The following METTL25B variants were observed in gnomAD, a reference collection of about 807,000 sequenced individuals.
METTL25B encodes the protein methyltransferase like 25B.
METTL25B carries 38 observed loss-of-function variants against 48.4 expected under a neutral mutation model. The ratio of observed to expected loss-of-function variants is 0.78; its 90% CI spans 0.61 to 1.03. METTL25B has a LOEUF of 1.03. Ranked by LOEUF, METTL25B falls within the 50% of genes least tolerant of loss-of-function variation. METTL25B has a pLI of 0.00. For missense variants in METTL25B, 537 were observed against 603.7 expected (o/e 0.89, Z 1.16); for synonymous variants, 230 against 254.5 (o/e 0.90, Z 0.92).
At position 156,728,814 on chromosome 1, in the gene METTL25B, A is replaced by T. The variant is rs956281152; in HGVS notation, c.-291A>T. The T allele has an allele frequency of 1.1e-6, 1 of 932,656 alleles. No individual in the cohort carries two copies. The allele number at this position is 932,656 out of a possible 1,614,324, so 57.8% of individuals were successfully genotyped here. Reference sequence around the variant, plus strand: ...ACTTGGCCCGCCTCGTTGTGAGCTGAGCTCAGCGGCACGCTTTTGTGGCGT... The same window carrying T: ...ACTTGGCCCGCCTCGTTGTGAGCTGTGCTCAGCGGCACGCTTTTGTGGCGT... On this transcript the variant is annotated 5_prime_UTR_variant, in exon 1 of 8. Transcript: ENST00000368216.
rs199878809 is a variant in METTL25B, at chr1:156,733,019, C to T, written c.464C>T (p.Thr155Ile). 30 of 1,614,026 alleles carry T rather than the reference C, an allele frequency of 1.9e-5. No individual in the cohort carries two copies. The highest frequency in any genetic ancestry group is 2.5e-5 in the Non-Finnish European group (29 of 1,180,030). ...AAGCTGAGTGATTTCACAGGCTGCACCCAGGTTGTAGACGTGGGCTCAGGC... is the reference window on the plus strand; with the variant it reads ...AAGCTGAGTGATTTCACAGGCTGCATCCAGGTTGTAGACGTGGGCTCAGGC... ...VKKLSDFTGC[T>I]QVVDVGSGQG... The change falls in exon 4 of 8, where the codon ACC becomes ATC. Residue 155 changes from threonine (T) to isoleucine (I), a missense_variant. Coordinates refer to ENST00000368216, the MANE Select transcript of METTL25B (RefSeq NM_015997.4).
At chr1:156,731,246 A>C (rs537441919) in intron 1 of METTL25B, among the ~76,000 whole-genome samples, 25 of 152,188 alleles carry the variant, frequency 1.6e-4, no homozygotes, top group African/African-American at 5.3e-4. Context: ...GCCTCAGCCT[A>C]CTGGGTAGCT....
At position 156,734,335 on chromosome 1, in the gene METTL25B, C is replaced by A. The variant is rs1649546272; in HGVS notation, c.963C>A (p.Ala321=). 1 of 1,614,036 alleles carries A rather than the reference C, an allele frequency of 6.2e-7. No individual in the cohort carries two copies. Among genetic ancestry groups the A allele is most frequent in the Non-Finnish European group, 8.5e-7 (1 of 1,179,978 alleles). ...PYRLREGACH[A]LEEYAERLQK... ...GGCTTCGGGAGGGGGCCTGCCATGC[C>A]CTGGAGGAATATGCTGAGCGGCTAC... Residue 321 remains alanine, a synonymous_variant, in exon 6 of 8, where the codon GCC becomes GCA. Transcript: ENST00000368216.
At position 156,734,188 on chromosome 1, in the gene METTL25B, C is replaced by A; in HGVS notation, c.816C>A (p.Ser272=). ...GTGTTGCCTTGCTGAGACACTTCTC[C>A]TGCTGTCCTGAGGTGGTGGCCCTGG... ...DLSVALLRHF[S]CCPEVVALAS... is the part of the protein sequence containing the mutation. Residue 272 remains serine (S), a synonymous_variant, in exon 6 of 8, where the codon TCC becomes TCA. Coordinates refer to ENST00000368216, the MANE Select transcript of METTL25B (RefSeq NM_015997.4). 6.2e-7 allele frequency: 1 copy of A among 1,614,266 alleles called. No individual in the cohort carries two copies. Among genetic ancestry groups the A allele is most frequent in the South Asian group, 1.1e-5 (1 of 91,090 alleles).
chr1:156,734,531 G>T (rs1171801556), intron 6 of METTL25B, 38 bp downstream of exon 6: 1 of 1,478,984 alleles, frequency 6.8e-7, no homozygotes. Context: ...GTGGAGAGGA[G>T]ATTTCTTTTT....
intron 7 of METTL25B, 153 bp downstream of exon 7, chr1:156,736,062 A>C: frequency 1.6e-6 from 1 of 616,416 alleles, no homozygotes; most frequent in Non-Finnish European, 2.6e-6. Flanking sequence ...GGAGTAGGGG[A>C]TTTGTTAAAA....
chr1:156,729,168 A>C lies in METTL25B; in HGVS notation c.64A>C (p.Thr22Pro). Residue 22 changes from threonine to proline, a missense_variant, in exon 1 of 8, where the codon ACC becomes CCC. Thr to Pro is a conservative substitution (Grantham distance 38, BLOSUM62 -1). Coordinates refer to ENST00000368216, the MANE Select transcript of METTL25B (RefSeq NM_015997.4). Reference protein sequence around the residue: ...EGRKQLAVNLTRVLALYRSIL... With the variant: ...EGRKQLAVNLPRVLALYRSIL... Reference sequence around the variant, plus strand: ...GAGGAAGCAGCTAGCTGTTAACCTCACCCGTGTCCTGGCACTCTACCGTTC... The same window carrying C: ...GAGGAAGCAGCTAGCTGTTAACCTCCCCCGTGTCCTGGCACTCTACCGTTC... 2 of 1,607,352 alleles carry C rather than the reference A, an allele frequency of 1.2e-6. No homozygotes were observed. The highest frequency in any genetic ancestry group is 2.2e-5 in the East Asian group (1 of 44,488).
Position 156,728,595 on chromosome 1 carries a change from G to C in METTL25B, c.-510G>C. ...CAGTGATTCCGAGTGTGTGAGGAGC[G>C]GCAGTGGCGGCGGAGGAGGGGGCGG... is the stretch of plus-strand genomic sequence containing the variant. On this transcript the variant is annotated 5_prime_UTR_variant, in exon 1 of 8. Transcript: ENST00000368216. 1.0e-6 allele frequency: 1 copy of C among 985,968 alleles called. No individual in the cohort carries two copies. 61.1% of individuals were successfully genotyped at this position (985,968 alleles called of 1,614,324 possible).
chr1:156,732,826 C>A (rs959909644), intron 3 of METTL25B, among the ~76,000 whole-genome samples, 159 bp from the exon 4 acceptor site: 7 of 151,994 alleles, frequency 4.6e-5, no homozygotes, highest in African/African-American at 1.7e-4. Flanking sequence ...TTGCTTCCAC[C>A]CTCACCCTTA....
chr1:156,735,147 G>C (rs1649640088), intron 6 of METTL25B, among the ~76,000 whole-genome samples: 2 of 151,906 alleles, frequency 1.3e-5, no homozygotes, highest in South Asian at 4.2e-4. Context: ...AAATTAGCCA[G>C]GCGTGGAGGC....
At chr1:156,735,997 G>T in intron 7 of METTL25B, 88 bp downstream of exon 7, 3 of 1,169,902 alleles carry the variant, frequency 2.6e-6, no homozygotes, top group Non-Finnish European at 3.7e-6. Context: ...AACATCTTCT[G>T]GGCCTAGCTA....
At chr1:156,735,375 T>A (rs2102669828) in intron 6 of METTL25B, among the ~76,000 whole-genome samples, 1 of 146,336 alleles carries the variant, frequency 6.8e-6, no homozygotes, top group East Asian at 2.1e-4. Flanking sequence ...CAATTTACTA[T>A]TAGACAGACA....
Position 156,728,614 on chromosome 1 carries a change from G to A in METTL25B, c.-491G>A, listed in dbSNP as rs1291985869. ...AGGAGCGGCAGTGGCGGCGGAGGAG[G>A]GGGCGGCGTGGGTGGGGGCGGGGGC... On this transcript the variant is annotated 5_prime_UTR_variant, in exon 1 of 8. Coordinates refer to ENST00000368216, the MANE Select transcript of METTL25B (RefSeq NM_015997.4). 2 of 985,380 alleles carry A rather than the reference G, an allele frequency of 2.0e-6. No homozygotes were observed. The highest frequency in any genetic ancestry group is 2.4e-6 in the Non-Finnish European group (2 of 829,456). 61.0% of individuals were successfully genotyped at this position (985,380 alleles called of 1,614,324 possible).
At chr1:156,731,079 A>G (rs894864724) in intron 1 of METTL25B, among the ~76,000 whole-genome samples, 2 of 152,124 alleles carry the variant, frequency 1.3e-5, no homozygotes, top group Admixed American at 6.5e-5. Context: ...TTACTGTTTC[A>G]TTAGTGTTTT....
intron 2 of METTL25B, 46 bp downstream of exon 2, chr1:156,732,161 C>T: frequency 6.2e-7 from 1 of 1,613,362 alleles, no homozygotes; most frequent in Non-Finnish European, 8.5e-7. Flanking sequence ...AGGCTTTAAG[C>T]CCTGCAGTGA....
Position 156,729,083 on chromosome 1 carries a change from G to T in METTL25B, c.-22G>T, listed in dbSNP as rs763744240. ...CCTGTTCACTGCGTTCTCGCTCCCC[G>T]CGCTCCCTGCTGGACCCCGGGATGC... is the stretch of plus-strand genomic sequence containing the variant. On this transcript the variant is annotated 5_prime_UTR_variant, in exon 1 of 8. Coordinates refer to ENST00000368216, the MANE Select transcript of METTL25B (RefSeq NM_015997.4). The T allele has an allele frequency of 2.7e-6, 4 of 1,456,026 alleles. No homozygotes were observed. The African/African-American group carries it at 5.6e-5, about 20-fold the overall frequency. 90.2% of individuals were successfully genotyped at this position (1,456,026 alleles called of 1,614,324 possible).
intron 6 of METTL25B, among the ~76,000 whole-genome samples, chr1:156,734,988 C>T (rs1046487578): frequency 6.6e-6 from 1 of 151,748 alleles, no homozygotes; most frequent in African/African-American, 2.4e-5. Flanking sequence ...AGGAGACTAA[C>T]AAAGAAACAT....
chr1:156,728,870 C>G lies in METTL25B; in HGVS notation c.-235C>G. ...CACTGTTACCCCGCCCTACGTGTCTCTGACGCTGACACCTTCTCACTGTGA... is the reference window on the plus strand; with the variant it reads ...CACTGTTACCCCGCCCTACGTGTCTGTGACGCTGACACCTTCTCACTGTGA... On this transcript the variant is annotated 5_prime_UTR_variant, in exon 1 of 8. Transcript: ENST00000368216. 1 of 644,116 alleles carries G rather than the reference C, an allele frequency of 1.6e-6. No homozygotes were observed. 39.9% of individuals were successfully genotyped at this position (644,116 alleles called of 1,614,324 possible).
intron 1 of METTL25B, among the ~76,000 whole-genome samples, chr1:156,730,101 C>T (rs1047545640): frequency 1.2e-4 from 18 of 152,200 alleles, no homozygotes; most frequent in African/African-American, 3.6e-4. Context: ...CTTACCTCTG[C>T]CCTGCCATTA....
Sources: allele counts gnomAD v4.1 joint callset (sites outside exome capture counted in the v4.1 genomes callset), GRCh38; gene constraint gnomAD v4.1.1; transcripts MANE v1.5; gene names NCBI Gene and HGNC (gene_info 2026-07-23, HGNC 2026-07-21).